Variants in ERC2 observed in about 807,000 individuals in gnomAD.
ERC2 encodes the protein ELKS/RAB6-interacting/CAST family member 2.
ERC2 carries 42 observed loss-of-function variants against 114.8 expected under a neutral mutation model. The ratio of observed to expected loss-of-function variants is 0.37; its 90% CI spans 0.29 to 0.47. ERC2 has a LOEUF of 0.47. ERC2 is among the 20% of genes least tolerant of loss of function. The pLI is 0.99. For synonymous variants in ERC2, 454 were observed against 425.5 expected (o/e 1.07, Z -0.82); for missense variants, 939 against 1,150.7 (o/e 0.82, Z 2.66).
At chr3:56,248,066 A>G (rs1258150304) in intron 3 of ERC2, among the ~76,000 whole-genome samples, 1 of 152,044 alleles carries the variant, frequency 6.6e-6, no homozygotes, top group Non-Finnish European at 1.5e-5. Context: ...TTTCATTCCT[A>G]CCAATTCTTT....
At chr3:55,875,690 T>TCACACACACACACACACACA (rs71621803) in intron 14 of ERC2, among the ~76,000 whole-genome samples, 3 of 144,638 alleles carry the variant, frequency 2.1e-5, no homozygotes, top group Admixed American at 1.4e-4. Context: ...CTAAACTCAT[T>TCACACACACACACACACACA]CACACACACA....
chr3:55,676,476 T>TATC (rs1166459830), intron 17 of ERC2, among the ~76,000 whole-genome samples: 1 of 150,122 alleles, frequency 6.7e-6, no homozygotes, highest in Non-Finnish European at 1.5e-5. Context: ...TTATTATTAT[T>TATC]ATTTTAGCAT....
chr3:55,854,474 G>C (rs2061705279), intron 14 of ERC2, among the ~76,000 whole-genome samples: 1 of 152,142 alleles, frequency 6.6e-6, no homozygotes, highest in Admixed American at 6.5e-5. Context: ...CTTCATTTGT[G>C]GCTGAGAGCA....
chr3:56,258,262 T>A (rs1045000057), intron 3 of ERC2, among the ~76,000 whole-genome samples: 11 of 93,014 alleles, frequency 1.2e-4, no homozygotes, highest in African/African-American at 3.5e-4. Context: ...TTTTCAGCTT[T>A]GAAGGCCATA....
At chr3:55,703,674 T>C (rs1290690168) in intron 15 of ERC2, among the ~76,000 whole-genome samples, 1 of 152,198 alleles carries the variant, frequency 6.6e-6, no homozygotes, top group African/African-American at 2.4e-5. Flanking sequence ...TGTGTCAAAG[T>C]ATATGAGTGT....
At chr3:55,533,234 C>T (rs1477647749) in intron 17 of ERC2, among the ~76,000 whole-genome samples, 1 of 152,194 alleles carries the variant, frequency 6.6e-6, no homozygotes, top group Non-Finnish European at 1.5e-5. Context: ...GCAGAGGCCT[C>T]CTGGCAACAG....
chr3:55,799,377 T>C (rs2070789358), intron 14 of ERC2, among the ~76,000 whole-genome samples: 1 of 147,284 alleles, frequency 6.8e-6, no homozygotes, highest in African/African-American at 2.5e-5. Flanking sequence ...TATATATATA[T>C]GCCTTATATA....
intron 12 of ERC2, among the ~76,000 whole-genome samples, chr3:55,975,720 A>G (rs1417063980): frequency 6.6e-6 from 1 of 152,174 alleles, no homozygotes; most frequent in Non-Finnish European, 1.5e-5. Context: ...CTTTTATCTC[A>G]GTACTCAAGG....
chr3:56,047,144 G>A (rs1216959987), intron 7 of ERC2, among the ~76,000 whole-genome samples: 1 of 152,164 alleles, frequency 6.6e-6, no homozygotes. Context: ...TTTTGTCTAT[G>A]CATTTTTGTT....
chr3:56,404,176 T>A (rs984667016), intron 2 of ERC2, among the ~76,000 whole-genome samples: 1 of 152,226 alleles, frequency 6.6e-6, no homozygotes, highest in Admixed American at 6.5e-5. Context: ...AGAAAAGTAT[T>A]AGACCTATGA....
rs138022624 is a variant in ERC2, at chr3:56,163,919, G to C, written c.1149+9527C>G. Among the ~76,000 whole-genome samples, 12 of 152,148 alleles carry C rather than the reference G, an allele frequency of 7.9e-5. No individual in the cohort carries two copies. The East Asian group carries it at 2.3e-3, about 29-fold the overall frequency. On this transcript the variant is annotated intron_variant, in intron 4 of 17. Coordinates refer to ENST00000288221, the MANE Select transcript of ERC2 (RefSeq NM_015576.3). ...TGATCCTATAATGAAGTTGCTAGCT[G>C]GTTGCTTTGTAGTTTTGATTGTGTG...
chr3:55,713,842 G>A (rs1419762922), intron 15 of ERC2, among the ~76,000 whole-genome samples: 1 of 152,094 alleles, frequency 6.6e-6, no homozygotes, highest in East Asian at 1.9e-4. Context: ...TGGTAAAAAA[G>A]CTATTCATAT....
At chr3:55,821,185 G>A (rs1279441494) in intron 14 of ERC2, among the ~76,000 whole-genome samples, 1 of 152,212 alleles carries the variant, frequency 6.6e-6, no homozygotes, top group African/African-American at 2.4e-5. Context: ...GAATGTGGAG[G>A]AGAAACCCTA....
chr3:55,548,568 C>T (rs1037080037), intron 17 of ERC2, among the ~76,000 whole-genome samples: 5 of 152,218 alleles, frequency 3.3e-5, no homozygotes, highest in African/African-American at 1.2e-4. Flanking sequence ...CCCAGCCACA[C>T]AGACATACGT....
chr3:56,225,497 A>C (rs1045474243), intron 3 of ERC2, among the ~76,000 whole-genome samples: 4 of 152,222 alleles, frequency 2.6e-5, no homozygotes, highest in African/African-American at 9.6e-5. Context: ...TTTACCAATG[A>C]AAATTTTATC....
At chr3:55,592,608 G>T (rs1479361929) in intron 17 of ERC2, among the ~76,000 whole-genome samples, 1 of 152,196 alleles carries the variant, frequency 6.6e-6, no homozygotes, top group Non-Finnish European at 1.5e-5. Flanking sequence ...CAGGTCCTCA[G>T]CTTCTTGTCT....
intron 17 of ERC2, among the ~76,000 whole-genome samples, chr3:55,653,564 AGTGT>A (rs36231107): frequency 0.045 from 6,319 of 141,054 alleles, 179 homozygotes; most frequent in African/African-American, 0.079. Flanking sequence ...ACCTGGTAAA[AGTGT>A]GTGTGTGTGT....
intron 5 of ERC2, among the ~76,000 whole-genome samples, chr3:56,144,757 C>T (rs1325304857): frequency 6.6e-6 from 1 of 152,218 alleles, no homozygotes; most frequent in Non-Finnish European, 1.5e-5. Flanking sequence ...AAATAGCTTT[C>T]AGGCATTGCT....
intron 2 of ERC2, among the ~76,000 whole-genome samples, chr3:56,352,731 G>A (rs1193687344): frequency 6.6e-6 from 1 of 152,160 alleles, no homozygotes; most frequent in Non-Finnish European, 1.5e-5. Context: ...TTCGTCTGAA[G>A]TTCAACTGGG....
Sources: allele counts gnomAD v4.1 joint callset (sites outside exome capture counted in the v4.1 genomes callset), GRCh38; gene constraint gnomAD v4.1.1; transcripts MANE v1.5; gene names NCBI Gene and HGNC (gene_info 2026-07-23, HGNC 2026-07-21).